Variants in RBFOX1 observed in about 807,000 individuals in gnomAD.
RBFOX1 encodes the protein RNA binding fox-1 homolog 1.
A neutral mutation model predicts 57.7 loss-of-function variants in RBFOX1; 8 were observed. The ratio of observed to expected loss-of-function variants is 0.14; its 90% CI spans 0.08 to 0.25. The LOEUF (loss-of-function observed/expected upper bound fraction) is 0.25, where lower values mean the gene tolerates loss of function less well. RBFOX1 is among the 10% of genes least tolerant of loss of function. The pLI, the probability that RBFOX1 is intolerant of heterozygous loss-of-function variation, is 1.00. For synonymous variants in RBFOX1, 326 were observed against 222.4 expected, an observed-to-expected ratio of 1.47 and a Z score of -4.15; for missense variants, 611 against 548.5, an observed-to-expected ratio of 1.11 and a Z score of -1.14.
At chr16:7,159,593 C>T (rs1372934442) in intron 4 of RBFOX1, among the ~76,000 whole-genome samples, 1 of 152,174 alleles carries the variant, frequency 6.6e-6, no homozygotes, top group East Asian at 1.9e-4. Flanking sequence ...AGTGATCTCT[C>T]TACTCCGCTA....
chr16:6,126,413 AT>A (rs113790517), intron 1 of RBFOX1, among the ~76,000 whole-genome samples: 3 of 151,440 alleles, frequency 2.0e-5, no homozygotes, highest in Non-Finnish European at 2.9e-5. Flanking sequence ...GGTGATTCTT[AT>A]TTTTTTTTAA....
At chr16:7,608,983 G>T (rs1422581722) in intron 10 of RBFOX1, among the ~76,000 whole-genome samples, 1 of 152,106 alleles carries the variant, frequency 6.6e-6, no homozygotes, top group African/African-American at 2.4e-5. Context: ...GGGATCGGGG[G>T]CATGGCAGTT....
In RBFOX1 at chr16:5,424,520, C is replaced by T. The variant is rs920196254; in HGVS notation, c.220-42696C>T. Among the ~76,000 whole-genome samples, 8 of 134,140 alleles carry T rather than the reference C, an allele frequency of 6.0e-5. No individual in the cohort carries two copies. In the East Asian group the frequency reaches 9.3e-4, roughly 16 times the overall value. 88.0% of individuals were successfully genotyped at this position (134,140 alleles called of 152,430 possible). On this transcript the variant is annotated intron_variant, in intron 1 of 2. Transcript: ENST00000585867. ...TTACGAGGATTCTAAAGATGGGTGG[C>T]GTTTTACTTTTTTTTTTTTTTTTAG...
chr16:6,411,213 G>T (rs1385448089), intron 2 of RBFOX1, among the ~76,000 whole-genome samples: 1 of 152,052 alleles, frequency 6.6e-6, no homozygotes, highest in Non-Finnish European at 1.5e-5. Flanking sequence ...GAACCCCTGG[G>T]GCAAGCAGTT....
chr16:7,182,015 C>T (rs1274453464), intron 4 of RBFOX1, among the ~76,000 whole-genome samples: 1 of 152,200 alleles, frequency 6.6e-6, no homozygotes, highest in South Asian at 2.1e-4. Flanking sequence ...TTCCACCAAT[C>T]TAATATACAT....
At chr16:7,700,192 C>G (rs1043195133) in intron 14 of RBFOX1, among the ~76,000 whole-genome samples, 6 of 152,060 alleles carry the variant, frequency 3.9e-5, no homozygotes, top group East Asian at 1.9e-4. Context: ...GGGGCTTTAC[C>G]GGGAAGCTCA....
At chr16:6,125,240 A>G (rs901711737) in intron 1 of RBFOX1, among the ~76,000 whole-genome samples, 4 of 152,100 alleles carry the variant, frequency 2.6e-5, no homozygotes, top group Non-Finnish European at 5.9e-5. Context: ...CAATTATTAC[A>G]ATGTTTTTTT....
At chr16:7,669,104 A>G (rs538826842) in intron 13 of RBFOX1, among the ~76,000 whole-genome samples, 7 of 152,314 alleles carry the variant, frequency 4.6e-5, no homozygotes, top group African/African-American at 1.7e-4. Context: ...GGGTTTCGCC[A>G]TGTTGGCCAG....
chr16:7,032,534 G>T (rs2043079850), intron 3 of RBFOX1, among the ~76,000 whole-genome samples: 1 of 152,090 alleles, frequency 6.6e-6, no homozygotes, highest in Non-Finnish European at 1.5e-5. Flanking sequence ...GCAAATTACA[G>T]ATCAGCTAAA....
At chr16:7,034,231 C>T (rs568977623) in intron 3 of RBFOX1, among the ~76,000 whole-genome samples, 2 of 152,130 alleles carry the variant, frequency 1.3e-5, no homozygotes, top group Admixed American at 6.6e-5. Context: ...TAGCCTCTCT[C>T]CATCTCAGTG....
intron 2 of RBFOX1, among the ~76,000 whole-genome samples, chr16:6,543,941 G>T (rs1282756176): frequency 6.6e-6 from 1 of 152,112 alleles, no homozygotes; most frequent in African/African-American, 2.4e-5. Flanking sequence ...AAGTATAAGG[G>T]CATTTTGCTT....
Position 6,617,267 on chromosome 16 carries a change from G to C in RBFOX1, c.-63-37336G>C, listed in dbSNP as rs184849227. Among the ~76,000 whole-genome samples, 3 of 152,046 alleles carry C rather than the reference G, an allele frequency of 2.0e-5. No individual in the cohort carries two copies. The East Asian group carries it at 5.9e-4, about 30-fold the overall frequency. Reference sequence around the variant, plus strand: ...AATTACATGAAGCAAATATTGTCTAGAGTGTGAAGGAAAGGGAACCTGATC... The same window carrying C: ...AATTACATGAAGCAAATATTGTCTACAGTGTGAAGGAAAGGGAACCTGATC... On this transcript the variant is annotated intron_variant, in intron 2 of 15. Coordinates refer to ENST00000550418, the MANE Select transcript of RBFOX1 (RefSeq NM_018723.4).
At chr16:5,499,865 G>T (rs1214205428) in intron 2 of RBFOX1, among the ~76,000 whole-genome samples, 1 of 151,970 alleles carries the variant, frequency 6.6e-6, no homozygotes, top group African/African-American at 2.4e-5. Context: ...GAGCCACTGT[G>T]CCCGGCCAAG....
At chr16:5,389,074 C>G (rs1366789458) in intron 1 of RBFOX1, among the ~76,000 whole-genome samples, 10 of 151,506 alleles carry the variant, frequency 6.6e-5, no homozygotes, top group Non-Finnish European at 1.2e-4. Context: ...CCCTGTAGTC[C>G]CAGCTACTCG....
intron 2 of RBFOX1, among the ~76,000 whole-genome samples, chr16:5,498,079 G>A (rs2043062582): frequency 6.6e-6 from 1 of 152,148 alleles, no homozygotes; most frequent in African/African-American, 2.4e-5. Context: ...GGGAGAGGGG[G>A]CAGAGGGCAG....
In RBFOX1 at chr16:5,829,304, C is replaced by G. The variant is rs59852433; in HGVS notation, c.319-37999C>G. On this transcript the variant is annotated intron_variant, in intron 3 of 19. Transcript: ENST00000641259. ...GCTAAGGGAAGTTATTGAAGGGTTT[C>G]AAGCAGGGGAGTCACATGATGAGCT... is the stretch of plus-strand genomic sequence containing the variant. 4.5e-3 allele frequency among the ~76,000 whole-genome samples: 685 copies of G among 152,244 alleles called. 7 individuals carry two copies. Among genetic ancestry groups the G allele is most frequent in the African/African-American group, 0.016 (647 of 41,538 alleles).
At chr16:6,081,346 A>G (rs929889) in intron 1 of RBFOX1, among the ~76,000 whole-genome samples, 106,364 of 152,074 alleles carry the variant, frequency 0.7, 37,707 homozygotes, top group Non-Finnish European at 0.77. Flanking sequence ...AATGATTAGT[A>G]TAACATTCCG....
At chr16:6,934,669 CAT>C (rs1396468898) in intron 3 of RBFOX1, among the ~76,000 whole-genome samples, 4 of 151,900 alleles carry the variant, frequency 2.6e-5, no homozygotes, top group Admixed American at 6.6e-5. Flanking sequence ...TATTCTCACT[CAT>C]ATGTGGGAGT....
At chr16:7,317,343 A>C (rs868469768) in intron 4 of RBFOX1, among the ~76,000 whole-genome samples, 11 of 152,162 alleles carry the variant, frequency 7.2e-5, no homozygotes, top group African/African-American at 2.2e-4. Flanking sequence ...ATGCAGCTTC[A>C]TGGAAGTGAG....
Sources: allele counts gnomAD v4.1 joint callset (sites outside exome capture counted in the v4.1 genomes callset), GRCh38; gene constraint gnomAD v4.1.1; transcripts MANE v1.5; gene names NCBI Gene and HGNC (gene_info 2026-07-23, HGNC 2026-07-21).